CLUH: variants seen among roughly 807,000 people sequenced by gnomAD.
CLUH encodes clustered mitochondria protein homolog.
Under a neutral mutation model 139.3 loss-of-function variants are expected in CLUH, and 77 were observed. The ratio of observed to expected loss-of-function variants is 0.55; its 90% CI spans 0.46 to 0.67. The LOEUF (loss-of-function observed/expected upper bound fraction) is 0.67, where lower values mean the gene tolerates loss of function less well. CLUH is among the 30% of genes least tolerant of loss of function. CLUH has a pLI of 0.00. For synonymous variants in CLUH, 999 were observed against 801.6 expected (o/e 1.25, Z -4.16); for missense variants, 1,876 against 1,875.8 (o/e 1.00, Z 0.00).
chr17:2,701,560 G>C, intron 5 of CLUH, 40 bp from the exon 6 acceptor site: 1 of 1,612,348 alleles, frequency 6.2e-7, no homozygotes, highest in South Asian at 1.1e-5. Context: ...GGCCTCTGGT[G>C]TGGGGCCTCC....
chr17:2,708,913 A>C (rs902150683), intron 1 of CLUH, among the ~76,000 whole-genome samples: 1 of 146,510 alleles, frequency 6.8e-6, no homozygotes, highest in Non-Finnish European at 1.5e-5. Flanking sequence ...AGGCCTCTAC[A>C]CCCTTGGGCC....
In CLUH at chr17:2,696,728, C is replaced by T. The variant is rs2069961066; in HGVS notation, c.2176G>A (p.Asp726Asn). The T allele has an allele frequency of 1.9e-6, 3 of 1,611,984 alleles. No homozygotes were observed. The highest frequency in any genetic ancestry group is 2.5e-6 in the Non-Finnish European group (3 of 1,179,828). Residue 726 changes from aspartate to asparagine, a missense_variant, in exon 11 of 26, where the codon GAC (aspartate) becomes AAC (asparagine). Physicochemically the swap from Asp to Asn is conservative, Grantham distance 23 (BLOSUM62 1). Coordinates refer to ENST00000651024, the MANE Select transcript of CLUH (RefSeq NM_001366661.1). Reference protein sequence around the residue: ...KELAETIAADDGTADPRSREV... With the variant: ...KELAETIAADNGTADPRSREV... ...TCTGCAGCAGCCCCACCTGTGCCGT[C>T]GTCTGCGGCGATGGTCTCTGCCAGC...
At position 2,704,893 on chromosome 17, in the gene CLUH, A is replaced by G. The variant is rs1007615944; in HGVS notation, c.101-329T>C. Among the ~76,000 whole-genome samples, 2 of 151,980 alleles carry G rather than the reference A, an allele frequency of 1.3e-5. No individual in the cohort carries two copies. The highest frequency in any genetic ancestry group is 2.9e-5 in the Non-Finnish European group (2 of 67,976). On this transcript the variant is annotated intron_variant, in intron 1 of 25. Coordinates refer to ENST00000651024, the MANE Select transcript of CLUH (RefSeq NM_001366661.1). This position sits in a 1 kb window ranked among gnomAD's most constrained non-coding sequence, Gnocchi z 5.7. ...CTAACACACCTAGCTTCCCAGCAGC[A>G]GTTCCCCTCTTCCTCTCCTCTTCTC... is the stretch of plus-strand genomic sequence containing the variant.
chr17:2,694,645 G>T, intron 16 of CLUH, 81 bp from the exon 17 acceptor site: 1 of 1,401,498 alleles, frequency 7.1e-7, no homozygotes, highest in Non-Finnish European at 9.8e-7. Context: ...CCCCAACGCT[G>T]TCCAGCCCGG....
chr17:2,699,715 T>C (rs1023415636), intron 9 of CLUH, among the ~76,000 whole-genome samples: 2 of 150,958 alleles, frequency 1.3e-5, no homozygotes, highest in Non-Finnish European at 2.9e-5. Context: ...CACTGCAACC[T>C]CCGCCTATTG....
At chr17:2,710,883 C>T (rs2070494851) in intron 1 of CLUH, among the ~76,000 whole-genome samples, 1 of 152,256 alleles carries the variant, frequency 6.6e-6, no homozygotes, top group Non-Finnish European at 1.5e-5. Context: ...AAACACTTCC[C>T]CCTGCCAAGG....
At chr17:2,691,962 C>CCCCGCCCCGCCCCCGCCCCCG in intron 23 of CLUH, 42 bp downstream of exon 23, 1 of 672,590 alleles carries the variant, frequency 1.5e-6, no homozygotes, top group Non-Finnish European at 1.8e-6. Context: ...CCCCGCCACG[C>CCCCGCCCCGCCCCCGCCCCCG]CCCCGCCCCG....
At chr17:2,700,320 G>GA in intron 9 of CLUH, 62 bp downstream of exon 9, 1 of 1,496,000 alleles carries the variant, frequency 6.7e-7, no homozygotes, top group Non-Finnish European at 9.1e-7. Context: ...CTCTCCATGA[G>GA]AAAACCCGTC....
At chr17:2,696,341 TG>T in intron 12 of CLUH, 82 bp from the exon 13 acceptor site, 1 of 1,506,082 alleles carries the variant, frequency 6.6e-7, no homozygotes. Context: ...AGCGCTCAGA[TG>T]GGGGACAAAC....
Position 2,696,750 on chromosome 17 carries a change from C to T in CLUH, c.2154G>A (p.Leu718=). 3 of 1,612,498 alleles carry T rather than the reference C, an allele frequency of 1.9e-6. No individual in the cohort carries two copies. Among genetic ancestry groups the T allele is most frequent in the Non-Finnish European group, 2.5e-6 (3 of 1,179,880 alleles). The change falls in exon 11 of 26, where the codon CTG becomes CTA. Residue 718 remains leucine (L), a synonymous_variant. Coordinates refer to ENST00000651024, the MANE Select transcript of CLUH (RefSeq NM_001366661.1). ...SASGLAKVKE[L]AETIAADDGT... is the part of the protein sequence containing the mutation. ...CGTCGTCTGCGGCGATGGTCTCTGCCAGCTCCTTCACCTTGGCCAGGCCGC... is the reference window on the plus strand; with the variant it reads ...CGTCGTCTGCGGCGATGGTCTCTGCTAGCTCCTTCACCTTGGCCAGGCCGC...
rs746216542 is a variant in CLUH, at chr17:2,692,774, A to G, written c.3312+6T>C. ...TCCCCCGGCGCGGGCGGCACTCGCG[A>G]CTCACGTATTCCTGGATGGTGTTGG... On this transcript the variant is annotated splice_donor_region_variant and intron_variant, in intron 20 of 25. Coordinates refer to ENST00000651024, the MANE Select transcript of CLUH (RefSeq NM_001366661.1). 1 of 1,599,930 alleles carries G rather than the reference A, an allele frequency of 6.3e-7. No individual in the cohort carries two copies. The highest frequency in any genetic ancestry group is 1.1e-5 in the South Asian group (1 of 90,050).
At chr17:2,691,527 C>A in intron 25 of CLUH, 82 bp downstream of exon 25, 1 of 1,430,012 alleles carries the variant, frequency 7.0e-7, no homozygotes, top group Non-Finnish European at 9.7e-7. Context: ...CGCCGCCGCA[C>A]TCCAGCCCGG....
At chr17:2,696,646 C>A in intron 11 of CLUH, 73 bp downstream of exon 11, 1 of 1,570,608 alleles carries the variant, frequency 6.4e-7, no homozygotes, top group East Asian at 2.3e-5. Context: ...GCCAGCCTCT[C>A]CCAGGTGGGG....
chr17:2,696,301 A>G, intron 12 of CLUH, 42 bp from the exon 13 acceptor site: 2 of 1,536,088 alleles, frequency 1.3e-6, no homozygotes, highest in Non-Finnish European at 1.8e-6. Flanking sequence ...GGCAGTGGCA[A>G]GACAAATGCC....
intron 1 of CLUH, among the ~76,000 whole-genome samples, chr17:2,709,118 A>G (rs1326561939): frequency 6.6e-6 from 1 of 152,176 alleles, no homozygotes; most frequent in Non-Finnish European, 1.5e-5. Flanking sequence ...AAGGCGGCAG[A>G]GAGGAGGAAC....
At chr17:2,695,859 G>C in intron 13 of CLUH, 3 of 573,590 alleles carry the variant, frequency 5.2e-6, no homozygotes, top group South Asian at 4.3e-5. Context: ...CAGAGCCTGC[G>C]GGAGGAGGAG....
Position 2,695,403 on chromosome 17 carries a change from G to A in CLUH, c.2515C>T (p.Pro839Ser). ...GKVLELVLRSPARHQLDHVFK... is the reference protein window; with the variant it reads ...GKVLELVLRSSARHQLDHVFK... ...ACGTGGTCCAGCTGGTGGCGGGCCGGGCTCCGCAGCACCAGCTCCAGCACC... is the reference window on the plus strand; with the variant it reads ...ACGTGGTCCAGCTGGTGGCGGGCCGAGCTCCGCAGCACCAGCTCCAGCACC... Residue 839 changes from proline to serine, a missense_variant, in exon 14 of 26, where the codon CCG becomes TCG. Transcript: ENST00000651024. 6.2e-7 allele frequency: 1 copy of A among 1,612,694 alleles called. No individual in the cohort carries two copies. Among genetic ancestry groups the A allele is most frequent in the Non-Finnish European group, 8.5e-7 (1 of 1,179,706 alleles).
Position 2,702,055 on chromosome 17 carries a change from G to C in CLUH, c.478C>G (p.Pro160Ala). ...EGSVLRVVEE[P>A]YTVREARIHV... ...ATGCGGGCCTCACGCACCGTGTACG[G>C]CTCTGTCAGGAAGGCAGGGAGGGTA... is the stretch of plus-strand genomic sequence containing the variant. Residue 160 changes from proline (P) to alanine (A), a missense_variant and splice_region_variant, in exon 4 of 26, where the codon CCG becomes GCG. Coordinates refer to ENST00000651024, the MANE Select transcript of CLUH (RefSeq NM_001366661.1). 6.2e-7 allele frequency: 1 copy of C among 1,613,176 alleles called. No individual in the cohort carries two copies.
Position 2,698,404 on chromosome 17 carries a change from C to T in CLUH, c.1453G>A (p.Val485Met), listed in dbSNP as rs1246731058. 4 of 1,613,120 alleles carry T rather than the reference C, an allele frequency of 2.5e-6. No individual in the cohort carries two copies. Among genetic ancestry groups the T allele is most frequent in the Non-Finnish European group, 2.5e-6 (3 of 1,179,780 alleles). ...CCATTCAGGTCGTTGGTGGGCGCCACGTAGGCCGCCACGTCCCCCCCGAAG... is the reference window on the plus strand; with the variant it reads ...CCATTCAGGTCGTTGGTGGGCGCCATGTAGGCCGCCACGTCCCCCCCGAAG... ...KDFGGDVAAY[V>M]APTNDLNGVR... is the part of the protein sequence containing the mutation. The change falls in exon 10 of 26, where the codon GTG (valine) becomes ATG (methionine). Residue 485 changes from valine to methionine, a missense_variant. Coordinates refer to ENST00000651024, the MANE Select transcript of CLUH (RefSeq NM_001366661.1).
Sources: gnomAD v4.1 joint callset for allele counts (sites outside exome capture counted in the v4.1 genomes callset) on GRCh38, gnomAD v4.1.1 for gene constraint, Gnocchi (gnomAD v3.1) non-coding constraint, MANE v1.5 for transcripts, NCBI Gene and HGNC (gene_info 2026-07-23, HGNC 2026-07-21) for gene names.